The following GABBR2 variants were observed in gnomAD, a reference collection of about 807,000 sequenced individuals.
GABBR2 encodes G-protein coupled receptor 51.
Under a neutral mutation model 105.6 loss-of-function variants are expected in GABBR2, and 23 were observed. That is an observed-to-expected ratio of 0.22 (90% CI 0.16 to 0.31). GABBR2 has a LOEUF of 0.31. Among genes scored for constraint, GABBR2 ranks in the 10% least tolerant of loss-of-function variants. The pLI is 1.00. For synonymous variants in GABBR2, 478 were observed against 499.7 expected (o/e 0.96, Z 0.58); for missense variants, 734 against 1,245.5 (o/e 0.59, Z 6.18).
intron 1 of GABBR2, among the ~76,000 whole-genome samples, chr9:98,615,322 A>G (rs1829566199): frequency 6.6e-6 from 1 of 152,240 alleles, no homozygotes; most frequent in Non-Finnish European, 1.5e-5. Flanking sequence ...CCACAAGCCT[A>G]TCTCAGCACA....
intron 8 of GABBR2, among the ~76,000 whole-genome samples, chr9:98,395,424 C>T (rs529474923): frequency 6.6e-5 from 10 of 151,642 alleles, no homozygotes; most frequent in East Asian, 5.8e-4. Flanking sequence ...GGCTGGGGGG[C>T]GAGCAGGAGT....
intron 3 of GABBR2, among the ~76,000 whole-genome samples, chr9:98,499,475 C>T (rs1038413993): frequency 2.0e-5 from 3 of 152,164 alleles, no homozygotes; most frequent in Admixed American, 6.5e-5. Flanking sequence ...AGCCACTCAC[C>T]GCCCATAATC....
At chr9:98,651,840 A>G (rs1336280573) in intron 1 of GABBR2, among the ~76,000 whole-genome samples, 1 of 152,248 alleles carries the variant, frequency 6.6e-6, no homozygotes, top group Non-Finnish European at 1.5e-5. Context: ...GACAATTGGA[A>G]ATTTGAACCC....
At chr9:98,387,873 G>C (rs936644194) in intron 10 of GABBR2, among the ~76,000 whole-genome samples, 1 of 152,044 alleles carries the variant, frequency 6.6e-6, no homozygotes, top group Non-Finnish European at 1.5e-5. Flanking sequence ...TGCAAGCAGG[G>C]AGAAATTTAA....
chr9:98,578,700 AAAC>A, intron 1 of GABBR2, among the ~76,000 whole-genome samples: 1 of 152,348 alleles, frequency 6.6e-6, no homozygotes, highest in East Asian at 1.9e-4. Context: ...CAACAGATGG[AAAC>A]AACATGAATG....
At chr9:98,657,983 A>T (rs1183334770) in intron 1 of GABBR2, among the ~76,000 whole-genome samples, 1 of 152,268 alleles carries the variant, frequency 6.6e-6, no homozygotes, top group African/African-American at 2.4e-5. Context: ...ACCCAGTCTC[A>T]GGTATTTCTT....
Position 98,453,969 on chromosome 9 carries a change from C to G in GABBR2, c.1236+12G>C. 1.9e-6 allele frequency: 3 copies of G among 1,572,152 alleles called. No individual in the cohort carries two copies. The highest frequency in any genetic ancestry group is 2.2e-5 in the South Asian group (2 of 90,254). ...AACACTAAGGAAAACAGCCCAGAGG[C>G]ATGGGACTGACCGTGACCCCGAAGA... On this transcript the variant is annotated intron_variant, in intron 7 of 18. Coordinates refer to ENST00000259455, the MANE Select transcript of GABBR2 (RefSeq NM_005458.8).
intron 2 of GABBR2, chr9:98,555,847 C>A (rs944687): frequency 0.24 from 37,265 of 152,200 alleles, 5,582 homozygotes; most frequent in East Asian, 0.48. Context: ...GACACCTCCT[C>A]CAGGGAGCCT....
chr9:98,508,775 T>C (rs1827570657), intron 3 of GABBR2, among the ~76,000 whole-genome samples: 1 of 124,074 alleles, frequency 8.1e-6, no homozygotes, highest in Non-Finnish European at 1.8e-5. Context: ...GGCAGGAAAC[T>C]CCAACTGGGT....
intron 11 of GABBR2, among the ~76,000 whole-genome samples, chr9:98,373,423 A>G (rs1264410306): frequency 1.3e-5 from 2 of 152,200 alleles, no homozygotes; most frequent in African/African-American, 4.8e-5. Flanking sequence ...TAACCATGCC[A>G]CACAGCTCCA....
chr9:98,634,321 C>T lies in GABBR2; in HGVS notation c.322-56249G>A, dbSNP rs554546811. 5.3e-5 allele frequency among the ~76,000 whole-genome samples: 8 copies of T among 152,280 alleles called. No individual in the cohort carries two copies. In the South Asian group the frequency reaches 6.2e-4, roughly 12 times the overall value. On this transcript the variant is annotated intron_variant, in intron 1 of 18. Transcript: ENST00000259455. ...TTTGTAATGGATTGCCTAGTGTCCCCGTGAAATTCACGTCCACCTGGAACC... is the reference window on the plus strand; with the variant it reads ...TTTGTAATGGATTGCCTAGTGTCCCTGTGAAATTCACGTCCACCTGGAACC...
intron 1 of GABBR2, among the ~76,000 whole-genome samples, chr9:98,684,886 C>T (rs558447095): frequency 6.6e-6 from 1 of 152,286 alleles, no homozygotes; most frequent in African/African-American, 2.4e-5. Context: ...GCTGCATCAC[C>T]ACCTCCTCCC....
chr9:98,381,829 G>A (rs1422191011), intron 11 of GABBR2, among the ~76,000 whole-genome samples: 2 of 152,092 alleles, frequency 1.3e-5, no homozygotes, highest in African/African-American at 4.8e-5. Flanking sequence ...CGGCTTCCCA[G>A]GACAACCTTC....
intron 9 of GABBR2, 82 bp from the exon 10 acceptor site, chr9:98,389,086 C>G (rs1249138707): frequency 8.2e-7 from 1 of 1,213,610 alleles, no homozygotes; most frequent in South Asian, 1.4e-5. Context: ...TCCCTGACAT[C>G]CAGCCAGGCC....
intron 11 of GABBR2, among the ~76,000 whole-genome samples, chr9:98,376,324 C>T (rs919460567): frequency 1.3e-5 from 2 of 152,162 alleles, no homozygotes; most frequent in Non-Finnish European, 1.5e-5. Context: ...TGACAGATGA[C>T]GCATGGGACT....
intron 4 of GABBR2, among the ~76,000 whole-genome samples, chr9:98,481,437 G>A (rs927749145): frequency 3.9e-5 from 6 of 152,212 alleles, no homozygotes; most frequent in African/African-American, 1.4e-4. Context: ...GGAGTTTGTG[G>A]CAGAGACAAG....
chr9:98,620,079 T>A (rs1370998288), intron 1 of GABBR2, among the ~76,000 whole-genome samples: 1 of 152,238 alleles, frequency 6.6e-6, no homozygotes, highest in African/African-American at 2.4e-5. Context: ...GCCCAGAGCC[T>A]GGCCCACAGG....
At chr9:98,350,671 TG>T (rs1831383298) in intron 13 of GABBR2, among the ~76,000 whole-genome samples, 2 of 152,244 alleles carry the variant, frequency 1.3e-5, no homozygotes, top group Admixed American at 1.3e-4. Context: ...TGGTCTGTCC[TG>T]GAGAATGTTC....
At chr9:98,467,406 T>A (rs1022983956) in intron 6 of GABBR2, among the ~76,000 whole-genome samples, 1 of 152,096 alleles carries the variant, frequency 6.6e-6, no homozygotes, top group Non-Finnish European at 1.5e-5. Flanking sequence ...CTTCTCCCAG[T>A]GTCATGAGTG....
Sources: gnomAD v4.1 joint callset for allele counts (sites outside exome capture counted in the v4.1 genomes callset) on GRCh38, gnomAD v4.1.1 for gene constraint, MANE v1.5 for transcripts, NCBI Gene and HGNC (gene_info 2026-07-23, HGNC 2026-07-21) for gene names.